The following IL13RA1 variants were observed in gnomAD, a reference collection of about 807,000 sequenced individuals.
IL13RA1 encodes the protein interleukin-13 receptor subunit alpha-1.
A neutral mutation model predicts 33.8 loss-of-function variants in IL13RA1; 14 were observed. The ratio of observed to expected loss-of-function variants is 0.41; its 90% CI spans 0.27 to 0.65. The LOEUF is 0.65. IL13RA1 is among the 30% of genes least tolerant of loss of function. The probability of loss-of-function intolerance (pLI) is 0.28; values close to 1 mark genes in which losing one functional copy is unlikely to be tolerated. For missense variants in IL13RA1, 313 were observed against 327.0 expected (o/e 0.96, Z 0.33); for synonymous variants, 116 against 115.7 (o/e 1.00, Z -0.02).
rs1468148078 is a variant in IL13RA1, at chrX:118,792,381, C to T, written c.*527C>T. ...ACAGTCTGGGCTGGGTCCGGTGGCT[C>T]ACGCCTGTAATCCCAGCAATTTGGG... is the stretch of plus-strand genomic sequence containing the variant. On this transcript the variant is annotated 3_prime_UTR_variant, in exon 11 of 11. Transcript: ENST00000371666. 1 of 112,459 alleles carries T rather than the reference C, an allele frequency of 8.9e-6. No individual in the cohort carries two copies. The highest frequency in any genetic ancestry group is 9.4e-5 in the Admixed American group (1 of 10,648). 9.3% of individuals were successfully genotyped at this position (112,459 alleles called of 1,213,427 possible).
intron 5 of IL13RA1, chrX:118,758,904 C>A (rs1455234998): frequency 9.0e-6 from 1 of 111,603 alleles, no homozygotes; most frequent in Non-Finnish European, 1.9e-5. Flanking sequence ...GATGAAGTTT[C>A]AACATGAGTT....
chrX:118,780,031 A>G (rs897129255), intron 10 of IL13RA1, among the ~76,000 whole-genome samples: 15 of 112,343 alleles, frequency 1.3e-4, no homozygotes, highest in African/African-American at 4.5e-4. Flanking sequence ...AATATGGACC[A>G]TTAAAAGCAC....
In IL13RA1 at chrX:118,758,069, A is replaced by G; in HGVS notation, c.503A>G (p.Glu168Gly). ...YTLYYWHRSL[E>G]KIHQCENIFR... The stretch of plus-strand genomic sequence containing the variant: ...TTATCTTGTAGGCACAGAAGCCTGG[A>G]AAAAATTCATCAATGTGAAAACATC... The change falls in exon 5 of 11, where the codon GAA (glutamate) becomes GGA (glycine). Residue 168 changes from glutamate (E) to glycine (G), a missense_variant. Glu to Gly is a moderately conservative substitution (Grantham distance 98). Transcript: ENST00000371666. The G allele has an allele frequency of 2.6e-6, 3 of 1,152,139 alleles. No individual in the cohort carries two copies. Among genetic ancestry groups the G allele is most frequent in the Non-Finnish European group, 3.5e-6 (3 of 848,565 alleles). 94.9% of individuals were successfully genotyped at this position (1,152,139 alleles called of 1,213,427 possible).
chrX:118,802,870 C>T, the IL13RA1 span, among the ~76,000 whole-genome samples: 1 of 111,782 alleles, frequency 8.9e-6, no homozygotes, highest in East Asian at 2.8e-4. Flanking sequence ...GTTTGTTTTA[C>T]AGCCTTGAAC....
intron 6 of IL13RA1, among the ~76,000 whole-genome samples, chrX:118,763,197 A>T (rs1378282023): frequency 5.3e-5 from 6 of 112,361 alleles, no homozygotes; most frequent in Non-Finnish European, 3.8e-5. Flanking sequence ...GATATTTTTT[A>T]AAAAAAGAAA....
intron 2 of IL13RA1, among the ~76,000 whole-genome samples, chrX:118,746,395 A>G (rs911886257): frequency 1.8e-5 from 2 of 111,978 alleles, no homozygotes; most frequent in South Asian, 3.7e-4. Context: ...GATTATAGGC[A>G]TGAGCCACTG....
intron 10 of IL13RA1, among the ~76,000 whole-genome samples, chrX:118,779,698 C>A (rs1257505872): frequency 1.8e-5 from 2 of 111,622 alleles, no homozygotes; most frequent in African/African-American, 3.3e-5. Flanking sequence ...CTGTAGTCAT[C>A]CAGGTCTGAG....
At chrX:118,754,187 T>C (rs1167955406) in intron 4 of IL13RA1, among the ~76,000 whole-genome samples, 1 of 111,325 alleles carries the variant, frequency 9.0e-6, no homozygotes, top group Non-Finnish European at 1.9e-5. Flanking sequence ...TAGTGTGATT[T>C]TGGGTAAGTC....
Position 118,747,167 on chromosome X carries a change from A to G in IL13RA1, c.367+75A>G, listed in dbSNP as rs1173142399. Reference sequence around the variant, plus strand: ...GCTCCAATGCTTTTGTGCATTGTTCATTAATTAATTCAATTCTCAAACATT... The same window carrying G: ...GCTCCAATGCTTTTGTGCATTGTTCGTTAATTAATTCAATTCTCAAACATT... On this transcript the variant is annotated intron_variant, in intron 3 of 10. Coordinates refer to ENST00000371666, the MANE Select transcript of IL13RA1 (RefSeq NM_001560.3). 4.8e-6 allele frequency: 3 copies of G among 622,510 alleles called. No individual in the cohort carries two copies. The East Asian group carries it at 1.0e-4, about 21-fold the overall frequency. The allele number at this position is 622,510 out of a possible 1,213,427, so 51.3% of individuals were successfully genotyped here.
At chrX:118,778,802 C>A (rs754336375) in intron 10 of IL13RA1, among the ~76,000 whole-genome samples, 1 of 112,106 alleles carries the variant, frequency 8.9e-6, no homozygotes, top group South Asian at 3.7e-4. Context: ...CCTATATTAC[C>A]TTATTGAATC....
chrX:118,727,896 A>G (rs139475064), intron 1 of IL13RA1, among the ~76,000 whole-genome samples, 170 bp downstream of exon 1: 1 of 111,264 alleles, frequency 9.0e-6, no homozygotes, highest in Non-Finnish European at 1.9e-5. Flanking sequence ...CCCGCGCGGG[A>G]TCTCTGGGGC....
rs1422340495 is a variant in IL13RA1 at position 118,784,089 on chromosome X, AAAT to A, written c.1191+7580_1191+7582del. ...GAGACTCTGTCGCCAAAAAAAAAAA[AAAT>A]ATATATATATATATATACGTATATA... is the stretch of plus-strand genomic sequence containing the variant. On this transcript the variant is annotated intron_variant, in intron 10 of 10. Transcript: ENST00000371666. Among the ~76,000 whole-genome samples the A allele has an allele frequency of 1.1e-3, 67 of 61,021 alleles. 3 individuals are homozygous for A. Among genetic ancestry groups the A allele is most frequent in the Admixed American group, 6.4e-3 (23 of 3,587 alleles). 53.0% of individuals were successfully genotyped at this position (61,021 alleles called of 115,157 possible).
chrX:118,761,808 G>C (rs906237617), intron 6 of IL13RA1, among the ~76,000 whole-genome samples: 11 of 111,826 alleles, frequency 9.8e-5, no homozygotes, highest in African/African-American at 3.6e-4. Context: ...AGACCAGAAT[G>C]ATGAGCAGAC....
the IL13RA1 span, among the ~76,000 whole-genome samples, chrX:118,803,773 C>G: frequency 1.8e-5 from 2 of 110,824 alleles, no homozygotes; most frequent in African/African-American, 6.6e-5. Flanking sequence ...CACAAAGTAG[C>G]TCTTTTTCCC....
chrX:118,731,936 A>G (rs2017225858), intron 1 of IL13RA1, among the ~76,000 whole-genome samples: 1 of 112,045 alleles, frequency 8.9e-6, no homozygotes, highest in Non-Finnish European at 1.9e-5. Flanking sequence ...TCACTTAATC[A>G]TATATATGTC....
At position 118,728,617 on chromosome X, in the gene IL13RA1, C is replaced by T. The variant is rs777156746; in HGVS notation, c.88+891C>T. ...CCCCAAACTGTATAGGTTTTATTAT[C>T]ACATTGACACAAACACTTATATATG... On this transcript the variant is annotated intron_variant, in intron 1 of 10. Coordinates refer to ENST00000371666, the MANE Select transcript of IL13RA1 (RefSeq NM_001560.3). Among the ~76,000 whole-genome samples the T allele has an allele frequency of 3.6e-5, 4 of 112,146 alleles. 1 individual carries two copies. The highest frequency in any genetic ancestry group is 2.8e-4 in the Admixed American group (3 of 10,604).
chrX:118,786,307 G>A (rs1356571279), intron 10 of IL13RA1, among the ~76,000 whole-genome samples: 10 of 109,084 alleles, frequency 9.2e-5, no homozygotes, highest in Middle Eastern at 4.2e-3. Context: ...AAGGAGAATC[G>A]CTTGAACCTG....
At chrX:118,748,016 T>TGTGTGC (rs1454196172) in intron 3 of IL13RA1, among the ~76,000 whole-genome samples, 1 of 102,737 alleles carries the variant, frequency 9.7e-6, no homozygotes, top group Non-Finnish European at 2.0e-5. Flanking sequence ...TGTGTGTGTG[T>TGTGTGC]GTGTGTGTGT....
chrX:118,791,838 A>G lies in IL13RA1; in HGVS notation c.1268A>G (p.Lys423Arg), dbSNP rs759923231. The change falls in exon 11 of 11, where the codon AAG (lysine) becomes AGG (arginine). Residue 423 changes from lysine to arginine, a missense_variant. Coordinates refer to ENST00000371666, the MANE Select transcript of IL13RA1 (RefSeq NM_001560.3). Reference protein sequence around the residue: ...TDSVVLIENLKKASQ With the variant: ...TDSVVLIENLRKASQ The stretch of plus-strand genomic sequence containing the variant: ...TCTGTAGTGCTGATAGAAAACCTGA[A>G]GAAAGCCTCTCAGTGATGGAGATAA... 3.1e-6 allele frequency: 3 copies of G among 958,079 alleles called. No individual in the cohort carries two copies. In the Admixed American group the frequency reaches 6.8e-5, roughly 22 times the overall value. The allele number at this position is 958,079 out of a possible 1,213,427, so 79.0% of individuals were successfully genotyped here.
Sources: gnomAD v4.1 joint callset for allele counts (sites outside exome capture counted in the v4.1 genomes callset) on GRCh38, gnomAD v4.1.1 for gene constraint, MANE v1.5 for transcripts, NCBI Gene and HGNC (gene_info 2026-07-23, HGNC 2026-07-21) for gene names.